Variants in CHD7 observed in about 807,000 individuals in gnomAD.
The protein encoded by CHD7 is chromodomain helicase DNA binding protein 7.
In CHD7, 24 loss-of-function variants were observed where a neutral mutation model predicts 307.3. The ratio of observed to expected loss-of-function variants is 0.08; its 90% CI spans 0.06 to 0.11. The LOEUF is 0.11. CHD7 is among the 10% of genes least tolerant of loss of function. The pLI is 1.00. For synonymous variants in CHD7, 1,363 were observed against 1,349.9 expected (o/e 1.01, Z -0.21); for missense variants, 3,106 against 3,727.1 (o/e 0.83, Z 4.34).
At chr8:60,835,509 G>A (rs985568587) in intron 15 of CHD7, among the ~76,000 whole-genome samples, 1 of 152,142 alleles carries the variant, frequency 6.6e-6, no homozygotes, top group African/African-American at 2.4e-5. Flanking sequence ...GTATGCTTAG[G>A]TCCCCCACAA....
intron 19 of CHD7, among the ~76,000 whole-genome samples, chr8:60,840,505 GTTTTA>G (rs1804924351): frequency 1.3e-5 from 2 of 152,054 alleles, no homozygotes; most frequent in Admixed American, 1.3e-4. Flanking sequence ...TTTGCCTTTT[GTTTTA>G]TTTTATTTTT....
chr8:60,835,337 G>C (rs1804693466), intron 15 of CHD7, among the ~76,000 whole-genome samples: 1 of 152,178 alleles, frequency 6.6e-6, no homozygotes, highest in African/African-American at 2.4e-5. Context: ...CCATGTGGGG[G>C]AAAAGAAGGG....
chr8:60,845,290 G>A lies in CHD7; in HGVS notation c.5091G>A (p.Lys1697=), dbSNP rs1018941750. 4 of 1,613,582 alleles carry A rather than the reference G, an allele frequency of 2.5e-6. No homozygotes were observed. Among genetic ancestry groups the A allele is most frequent in the Non-Finnish European group, 3.4e-6 (4 of 1,179,620 alleles). The change falls in exon 23 of 38, where the codon AAG becomes AAA. Residue 1697 remains lysine, a synonymous_variant. Transcript: ENST00000423902. ...TGCCAAGGGGAAGGAAGGGAAAGAA[G>A]GTGAAAGCCCAGAGCACACAGCCGG... ...APVPRGRKGK[K]VKAQSTQPVV...
chr8:60,813,034 G>A (rs1812884910), intron 7 of CHD7, among the ~76,000 whole-genome samples: 1 of 152,154 alleles, frequency 6.6e-6, no homozygotes, highest in Non-Finnish European at 1.5e-5. Flanking sequence ...GTTACACAGT[G>A]TGACAATGAT....
At chr8:60,850,406 T>C (rs1805400234) in intron 25 of CHD7, 87 bp from the exon 26 acceptor site, 1 of 1,472,674 alleles carries the variant, frequency 6.8e-7, no homozygotes, top group Non-Finnish European at 9.2e-7. Context: ...AAAACAAACT[T>C]GTGTTGTGGC....
At chr8:60,751,222 A>C (rs144339177) in intron 2 of CHD7, among the ~76,000 whole-genome samples, 1 of 152,258 alleles carries the variant, frequency 6.6e-6, no homozygotes, top group Non-Finnish European at 1.5e-5. Context: ...TCTCTAATAC[A>C]ATTGCTTGTT....
chr8:60,865,089 G>C lies in CHD7; in HGVS notation c.8150G>C (p.Arg2717Thr). The C allele has an allele frequency of 6.2e-7, 1 of 1,610,716 alleles. No individual in the cohort carries two copies. The highest frequency in any genetic ancestry group is 8.5e-7 in the Non-Finnish European group (1 of 1,178,480). Residue 2717 changes from arginine (R) to threonine (T), a missense_variant, in exon 38 of 38, where the codon AGA (arginine) becomes ACA (threonine). Arg to Thr is a moderately conservative substitution (Grantham distance 71). Around this residue, in one of 10 missense-constraint regions of CHD7, gnomAD observed 351 missense variants for 366.2 expected, o/e 0.96. Transcript: ENST00000423902. The surrounding 1 kb of genome is among the most constrained non-coding windows in gnomAD (Gnocchi z 4.3). ...GTGCGGGGAGAGGGAGCGAGCAGAAGAGGAAGAAGGCCCAAAAGTGAGATC... is the reference window on the plus strand; with the variant it reads ...GTGCGGGGAGAGGGAGCGAGCAGAACAGGAAGAAGGCCCAAAAGTGAGATC... ...PVVRGEGASRRGRRPKSEIAR... is the reference protein window; with the variant it reads ...PVVRGEGASRTGRRPKSEIAR...
intron 9 of CHD7, among the ~76,000 whole-genome samples, chr8:60,820,594 A>G (rs1438458116): frequency 6.6e-6 from 1 of 152,240 alleles, no homozygotes; most frequent in Non-Finnish European, 1.5e-5. Flanking sequence ...CTGTAAGATT[A>G]TAAGGGATAT....
chr8:60,833,962 A>G (rs575822436), intron 15 of CHD7, among the ~76,000 whole-genome samples: 1 of 152,364 alleles, frequency 6.6e-6, no homozygotes, highest in East Asian at 1.9e-4. Context: ...TAAATGAAAT[A>G]TTATTAGTAC....
intron 15 of CHD7, among the ~76,000 whole-genome samples, chr8:60,834,493 A>T (rs922618269): frequency 6.6e-6 from 1 of 152,184 alleles, no homozygotes; most frequent in African/African-American, 2.4e-5. Flanking sequence ...TGGGTTTCTA[A>T]ATTTCATGTT....
chr8:60,688,282 G>A (rs1423904904), intron 1 of CHD7, among the ~76,000 whole-genome samples: 2 of 152,082 alleles, frequency 1.3e-5, no homozygotes, highest in Non-Finnish European at 2.9e-5. Context: ...CAGGGTTATG[G>A]TGAAGGTTAA....
chr8:60,714,639 G>T (rs1165471503), intron 1 of CHD7, among the ~76,000 whole-genome samples: 5 of 152,154 alleles, frequency 3.3e-5, no homozygotes, highest in Non-Finnish European at 5.9e-5. Context: ...TTGGCCTCAG[G>T]TGCTGCACAG....
rs1333778265 is a variant in CHD7 at position 60,678,782 on chromosome 8, GGCGGCGGCA to G, written c.-466_-458del. The G allele has an allele frequency of 5.0e-4, 71 of 141,686 alleles. 1 individual carries two copies. The highest frequency in any genetic ancestry group is 9.9e-4 in the Admixed American group (14 of 14,206). The allele number at this position is 141,686 out of a possible 1,614,324, so 8.8% of individuals were successfully genotyped here. A position where few individuals can be genotyped will look rare whatever the true frequency, so the allele number is the denominator to read the frequency against. ...CTGGGGCCGCGGCGGCGGCGGCGGC[GGCGGCGGCA>G]GCGGCGGCGGCGGCGGCGGCGCGGG... On this transcript the variant is annotated 5_prime_UTR_variant, in exon 1 of 38. Coordinates refer to ENST00000423902, the MANE Select transcript of CHD7 (RefSeq NM_017780.4).
chr8:60,708,802 T>C (rs1807137530), intron 1 of CHD7, among the ~76,000 whole-genome samples: 1 of 152,250 alleles, frequency 6.6e-6, no homozygotes, highest in Non-Finnish European at 1.5e-5. Flanking sequence ...CATTTCTGAC[T>C]CTTTTCAACC....
chr8:60,795,844 T>C (rs188157876), intron 4 of CHD7, among the ~76,000 whole-genome samples: 1 of 152,312 alleles, frequency 6.6e-6, no homozygotes, highest in Non-Finnish European at 1.5e-5. Flanking sequence ...AGCATGCCAG[T>C]GTGGTCCACT....
At chr8:60,844,391 G>A (rs1805109486) in intron 21 of CHD7, among the ~76,000 whole-genome samples, 2 of 152,212 alleles carry the variant, frequency 1.3e-5, no homozygotes, top group Admixed American at 1.3e-4. Context: ...AGTGACTGTG[G>A]CATCCCCTTA....
chr8:60,850,448 T>A, intron 25 of CHD7, 45 bp from the exon 26 acceptor site: 1 of 1,570,398 alleles, frequency 6.4e-7, no homozygotes, highest in Non-Finnish European at 8.7e-7. Context: ...ATGGGGCCTT[T>A]CTTTGTTTCT....
At chr8:60,771,684 TGGGG>T (rs1810719816) in intron 2 of CHD7, among the ~76,000 whole-genome samples, 1 of 8,136 alleles carries the variant, frequency 1.2e-4, no homozygotes, top group South Asian at 0.029. Flanking sequence ...GAGTCTTGAC[TGGGG>T]AGGAATCCAT....
intron 1 of CHD7, among the ~76,000 whole-genome samples, chr8:60,694,734 C>T (rs1806377004): frequency 6.6e-6 from 1 of 152,200 alleles, no homozygotes; most frequent in African/African-American, 2.4e-5. Context: ...GCCCTCCCCA[C>T]CTCAACCTTC....
Sources: allele counts gnomAD v4.1 joint callset (sites outside exome capture counted in the v4.1 genomes callset), GRCh38; gene constraint gnomAD v4.1.1; regional missense constraint gnomAD v4.1.1; non-coding constraint Gnocchi (gnomAD v3.1); transcripts MANE v1.5; gene names NCBI Gene and HGNC (gene_info 2026-07-23, HGNC 2026-07-21).